CACNB2: variants seen among roughly 807,000 people sequenced by gnomAD.
CACNB2 encodes the protein voltage-dependent L-type calcium channel subunit beta-2.
In CACNB2, 42 loss-of-function variants were observed where a neutral mutation model predicts 73.3. That is an observed-to-expected ratio of 0.57 (90% CI 0.45 to 0.74). The LOEUF (loss-of-function observed/expected upper bound fraction) is 0.74, where lower values mean the gene tolerates loss of function less well. CACNB2 is among the 30% of genes least tolerant of loss of function. The probability of loss-of-function intolerance (pLI) is 0.00; values close to 1 mark genes in which losing one functional copy is unlikely to be tolerated. For synonymous variants in CACNB2, 348 were observed against 310.3 expected (o/e 1.12, Z -1.28); for missense variants, 940 against 853.0 (o/e 1.10, Z -1.27).
chr10:18,432,093 A>G (rs772432437), intron 3 of CACNB2, among the ~76,000 whole-genome samples: 2 of 152,206 alleles, frequency 1.3e-5, no homozygotes, highest in Non-Finnish European at 2.9e-5. Context: ...GTAAAGAAAT[A>G]TCAATTAATT....
At chr10:18,498,552 T>A in intron 4 of CACNB2, 75 bp downstream of exon 4, 2 of 1,487,510 alleles carry the variant, frequency 1.3e-6, no homozygotes, top group African/African-American at 1.4e-5. Context: ...CCTATTCATA[T>A]GCCGTTTCTG....
chr10:18,539,160 C>T (rs777642961), intron 13 of CACNB2, 70 bp from the exon 14 acceptor site: 8 of 1,594,648 alleles, frequency 5.0e-6, no homozygotes, highest in Middle Eastern at 2.0e-4. Context: ...TGCTTGAATG[C>T]ACTTGCTCTG....
chr10:18,166,401 G>GT (rs779473430), intron 2 of CACNB2, among the ~76,000 whole-genome samples: 1 of 152,046 alleles, frequency 6.6e-6, no homozygotes, highest in Non-Finnish European at 1.5e-5. Flanking sequence ...GACTACAGGC[G>GT]TGTGTCACCA....
intron 2 of CACNB2, among the ~76,000 whole-genome samples, chr10:18,301,936 C>T (rs11013438): frequency 7.9e-5 from 12 of 152,000 alleles, no homozygotes; most frequent in East Asian, 3.9e-4. Flanking sequence ...CATGAGCCAC[C>T]GCGCCCAGCC....
chr10:18,185,729 A>G (rs989202485), intron 2 of CACNB2, among the ~76,000 whole-genome samples: 1 of 152,174 alleles, frequency 6.6e-6, no homozygotes, highest in Non-Finnish European at 1.5e-5. Flanking sequence ...TGGGATTCCC[A>G]TTTGCGTAGC....
intron 3 of CACNB2, among the ~76,000 whole-genome samples, chr10:18,424,620 T>G (rs1354266083): frequency 1.3e-5 from 2 of 152,248 alleles, no homozygotes; most frequent in Admixed American, 6.5e-5. Context: ...ATGTGGTGTT[T>G]CCCACTCCCT....
rs58345605 is a variant in CACNB2, at chr10:18,172,924, CT to C, written c.213+21964del. Reference sequence around the variant, plus strand: ...CTTCAAATAGGGAAAATAATAAGGCCTTTTTTTTTTTTTTTAAATGGAGTTT... The same window carrying C: ...CTTCAAATAGGGAAAATAATAAGGCCTTTTTTTTTTTTTTAAATGGAGTTT... On this transcript the variant is annotated intron_variant, in intron 2 of 13. Transcript: ENST00000324631. Among the ~76,000 whole-genome samples, 981 of 117,310 alleles carry C rather than the reference CT, an allele frequency of 8.4e-3. 12 individuals carry two copies. Among genetic ancestry groups the C allele is most frequent in the Admixed American group, 0.02 (221 of 11,162 alleles). The allele number at this position is 117,310 out of a possible 152,430, so 77.0% of individuals were successfully genotyped here. A position where few individuals can be genotyped will look rare whatever the true frequency, so the allele number is the denominator to read the frequency against.
intron 3 of CACNB2, among the ~76,000 whole-genome samples, chr10:18,487,092 G>C (rs1011923839): frequency 2.6e-5 from 4 of 152,160 alleles, no homozygotes; most frequent in African/African-American, 9.7e-5. Context: ...GTTCGGACCA[G>C]GTGTGACATT....
At chr10:18,282,540 C>G (rs1362696486) in intron 2 of CACNB2, among the ~76,000 whole-genome samples, 2 of 152,142 alleles carry the variant, frequency 1.3e-5, no homozygotes, top group East Asian at 3.9e-4. Context: ...AGTAATAGGA[C>G]CTGCCTTACA....
chr10:18,364,323 T>TA (rs375256986), intron 2 of CACNB2, among the ~76,000 whole-genome samples: 3 of 150,252 alleles, frequency 2.0e-5, no homozygotes, highest in Non-Finnish European at 4.4e-5. Context: ...TTCTGGGAGA[T>TA]AGAGTCTTGC....
intron 2 of CACNB2, among the ~76,000 whole-genome samples, chr10:18,225,096 T>C (rs1227391579): frequency 2.6e-5 from 4 of 152,216 alleles, no homozygotes; most frequent in Non-Finnish European, 4.4e-5. Context: ...TCATTTTATG[T>C]GACCTGCTGT....
intron 11 of CACNB2, among the ~76,000 whole-genome samples, chr10:18,534,552 G>A (rs1267501448): frequency 6.6e-6 from 1 of 152,182 alleles, no homozygotes; most frequent in Non-Finnish European, 1.5e-5. Flanking sequence ...GCAATGGTGG[G>A]TAAAACTGCT....
intron 9 of CACNB2, among the ~76,000 whole-genome samples, chr10:18,520,757 A>C (rs1346075258): frequency 6.6e-6 from 1 of 152,186 alleles, no homozygotes; most frequent in Non-Finnish European, 1.5e-5. Flanking sequence ...CAGACAGATT[A>C]CACAATCACC....
At chr10:18,448,479 TAAAAAAAAAAA>T (rs56255761) in intron 3 of CACNB2, among the ~76,000 whole-genome samples, 2 of 107,066 alleles carry the variant, frequency 1.9e-5, no homozygotes, top group Non-Finnish European at 3.7e-5. Flanking sequence ...CTCTCTCATT[TAAAAAAAAAAA>T]AAAAAAAAAA....
At chr10:18,242,739 C>T (rs1282435167) in intron 2 of CACNB2, among the ~76,000 whole-genome samples, 2 of 151,636 alleles carry the variant, frequency 1.3e-5, no homozygotes, top group East Asian at 3.9e-4. Context: ...AATCCCAGCA[C>T]TTTGGGAGGC....
chr10:18,259,857 C>A (rs990396634), intron 2 of CACNB2, among the ~76,000 whole-genome samples: 5 of 152,072 alleles, frequency 3.3e-5, no homozygotes, highest in African/African-American at 9.7e-5. Context: ...CTGCAGTGAG[C>A]CATGATTGCA....
rs578121864 is a variant in CACNB2 at position 18,247,475 on chromosome 10, G to A, written c.213+96500G>A. On this transcript the variant is annotated intron_variant, in intron 2 of 13. Transcript: ENST00000324631. ...TTTTCTTTAGAGTTGCCCAGTAGGG[G>A]GTATGAAGTGCCGGCTGGATATAGG... Among the ~76,000 whole-genome samples, 5 of 152,158 alleles carry A rather than the reference G, an allele frequency of 3.3e-5. 1 individual carries two copies. The East Asian group carries it at 9.7e-4, about 29-fold the overall frequency.
intron 3 of CACNB2, among the ~76,000 whole-genome samples, chr10:18,494,083 A>C (rs977988076): frequency 1.3e-5 from 2 of 152,174 alleles, no homozygotes; most frequent in South Asian, 2.1e-4. Context: ...CCAACTTAAC[A>C]TCTTAATCTA....
intron 7 of CACNB2, among the ~76,000 whole-genome samples, chr10:18,517,544 A>G (rs369436143): frequency 1.7e-3 from 253 of 152,316 alleles, no homozygotes; most frequent in African/African-American, 5.1e-3. Context: ...TTTGAGAATC[A>G]TATTAGATAT....
Sources: gnomAD v4.1 joint callset for allele counts (sites outside exome capture counted in the v4.1 genomes callset) on GRCh38, gnomAD v4.1.1 for gene constraint, MANE v1.5 for transcripts, NCBI Gene and HGNC (gene_info 2026-07-23, HGNC 2026-07-21) for gene names.